Variants in ATP13A5 observed in about 807,000 individuals in gnomAD.
ATP13A5 encodes probable cation-transporting ATPase 13A5.
ATP13A5 carries 149 observed loss-of-function variants against 150.2 expected under a neutral mutation model. The ratio of observed to expected loss-of-function variants is 0.99; its 90% CI spans 0.87 to 1.14. The LOEUF (loss-of-function observed/expected upper bound fraction) is 1.14, where lower values mean the gene tolerates loss of function less well. ATP13A5 is among the 50% of genes most tolerant of loss of function. The pLI, the probability that ATP13A5 is intolerant of heterozygous loss-of-function variation, is 0.00. For missense variants in ATP13A5, 1,383 were observed against 1,449.3 expected (o/e 0.95, Z 0.74); for synonymous variants, 497 against 522.2 (o/e 0.95, Z 0.66).
At chr3:193,297,199 G>T (rs1281567923) in intron 25 of ATP13A5, among the ~76,000 whole-genome samples, 1 of 152,018 alleles carries the variant, frequency 6.6e-6, no homozygotes, top group Non-Finnish European at 1.5e-5. Context: ...AGAAACAGGG[G>T]TGGAGAGTAG....
At chr3:193,348,963 C>T (rs1712458844) in intron 7 of ATP13A5, among the ~76,000 whole-genome samples, 1 of 151,156 alleles carries the variant, frequency 6.6e-6, no homozygotes, top group African/African-American at 2.5e-5. Flanking sequence ...CTGGATTGCC[C>T]CTGTCCCTCC....
chr3:193,321,616 G>A (rs1719280343), intron 16 of ATP13A5, 65 bp downstream of exon 16: 2 of 1,556,062 alleles, frequency 1.3e-6, no homozygotes, highest in East Asian at 2.2e-5. Flanking sequence ...TGGGGACAGA[G>A]CAAGATTCTG....
intron 27 of ATP13A5, among the ~76,000 whole-genome samples, chr3:193,279,846 A>C (rs1248182685): frequency 1.3e-5 from 2 of 151,910 alleles, no homozygotes; most frequent in African/African-American, 4.8e-5. Context: ...AAGGCCTTCC[A>C]CAATCTGGTC....
chr3:193,356,046 A>G (rs1157217253), intron 5 of ATP13A5, among the ~76,000 whole-genome samples: 1 of 152,104 alleles, frequency 6.6e-6, no homozygotes, highest in Non-Finnish European at 1.5e-5. Flanking sequence ...TCGTATGTCT[A>G]CCCGCTCAGT....
At position 193,331,238 on chromosome 3, in the gene ATP13A5, G is replaced by T. The variant is rs771953557; in HGVS notation, c.1346C>A (p.Ala449Asp). 6.2e-7 allele frequency: 1 copy of T among 1,613,918 alleles called. No individual in the cohort carries two copies. The highest frequency in any genetic ancestry group is 1.3e-5 in the African/African-American group (1 of 74,916). ...AGCATACACGTTGCCTATGGTCAGG[G>T]CAGCTGGCAGCACTGGAGGGACAGT... ...TVTVPPVLPA[A>D]LTIGNVYAQK... Residue 449 changes from alanine (A) to aspartate (D), a missense_variant, in exon 12 of 30, where the codon GCC (alanine) becomes GAC (aspartate). Transcript: ENST00000342358.
At chr3:193,319,538 C>T (rs552421649) in intron 16 of ATP13A5, among the ~76,000 whole-genome samples, 9 of 152,340 alleles carry the variant, frequency 5.9e-5, no homozygotes, top group South Asian at 2.1e-4. Context: ...AGAAAGCCCT[C>T]TCCGGGAACC....
At position 193,321,939 on chromosome 3, in the gene ATP13A5, C is replaced by G. The variant is rs935616263; in HGVS notation, c.1759-102G>C. 2.4e-6 allele frequency: 3 copies of G among 1,270,788 alleles called. No homozygotes were observed. In the African/African-American group the frequency reaches 4.5e-5, roughly 19 times the overall value. 78.7% of individuals were successfully genotyped at this position (1,270,788 alleles called of 1,614,324 possible). A position where few individuals can be genotyped will look rare whatever the true frequency, so the allele number is the denominator to read the frequency against. On this transcript the variant is annotated intron_variant, in intron 15 of 29. Transcript: ENST00000342358. ...TACTGTGCAATGAGCCCAGAGACATCTTGATGTAGTATATTTGTCACAACA... is the reference window on the plus strand; with the variant it reads ...TACTGTGCAATGAGCCCAGAGACATGTTGATGTAGTATATTTGTCACAACA...
chr3:193,310,487 A>G (rs2108850518), intron 21 of ATP13A5, 151 bp downstream of exon 21: 1 of 552,392 alleles, frequency 1.8e-6, no homozygotes, highest in Non-Finnish European at 3.1e-6. Context: ...TCCCACCAAT[A>G]GTGTATAAGT....
chr3:193,358,281 G>C (rs1277923087), intron 5 of ATP13A5, among the ~76,000 whole-genome samples: 1 of 152,138 alleles, frequency 6.6e-6, no homozygotes, highest in African/African-American at 2.4e-5. Flanking sequence ...TAGAGGTTGA[G>C]AAAGTTCCCA....
intron 10 of ATP13A5, among the ~76,000 whole-genome samples, chr3:193,334,689 G>A (rs1711777147): frequency 6.6e-6 from 1 of 152,168 alleles, no homozygotes; most frequent in Non-Finnish European, 1.5e-5. Flanking sequence ...GAAGAGCATA[G>A]TTTTACCTTT....
intron 9 of ATP13A5, among the ~76,000 whole-genome samples, chr3:193,341,039 C>A (rs1712099435): frequency 6.6e-6 from 1 of 152,078 alleles, no homozygotes; most frequent in African/African-American, 2.4e-5. Context: ...CTCAGATTTG[C>A]CCACTCTAAT....
Position 193,322,587 on chromosome 3 carries a change from GA to G in ATP13A5, c.1675-14del, listed in dbSNP as rs535873290. 26 of 1,547,930 alleles carry G rather than the reference GA, an allele frequency of 1.7e-5. No homozygotes were observed. The East Asian group carries it at 5.4e-4, about 32-fold the overall frequency. The stretch of plus-strand genomic sequence containing the variant: ...AATCTTCCATTTTCTGTTATAAAAT[GA>G]AAACATTCATAAGATTCTTTGAATA... On this transcript the variant is annotated splice_polypyrimidine_tract_variant and intron_variant, in intron 14 of 29. Coordinates refer to ENST00000342358, the MANE Select transcript of ATP13A5 (RefSeq NM_198505.4).
intron 25 of ATP13A5, 28 bp from the exon 26 acceptor site, chr3:193,290,087 T>C: frequency 6.4e-7 from 1 of 1,567,968 alleles, no homozygotes; most frequent in Non-Finnish European, 8.6e-7. Context: ...TTTTTTCCTA[T>C]TACAATCTTA....
intron 1 of ATP13A5, among the ~76,000 whole-genome samples, chr3:193,365,910 GAAT>G (rs1379250049): frequency 6.6e-6 from 1 of 152,034 alleles, no homozygotes; most frequent in East Asian, 1.9e-4. Context: ...TTGTGAACTG[GAAT>G]AATTTTTTAG....
chr3:193,362,974 A>AT (rs1335675996), intron 3 of ATP13A5, among the ~76,000 whole-genome samples: 15 of 151,592 alleles, frequency 9.9e-5, no homozygotes, highest in Admixed American at 6.6e-4. Flanking sequence ...TTTTGTTTTT[A>AT]TTTTTTTAAT....
At position 193,275,114 on chromosome 3, in the gene ATP13A5, A is replaced by G; in HGVS notation, c.3585T>C (p.His1195=). The G allele has an allele frequency of 1.2e-6, 2 of 1,614,188 alleles. No homozygotes were observed. The highest frequency in any genetic ancestry group is 1.7e-6 in the Non-Finnish European group (2 of 1,180,028). The change falls in exon 30 of 30, where the codon CAT becomes CAC. Residue 1195 remains histidine (H), a synonymous_variant. Coordinates refer to ENST00000342358, the MANE Select transcript of ATP13A5 (RefSeq NM_198505.4). ...TGAGTTTTCTTTTTGGAATCTGTTC[A>G]TGGCTTTCATAGCCTCCGTTGATGT... is the stretch of plus-strand genomic sequence containing the variant. ...GFYINGGYES[H]EQIPKRKLKL... is the part of the protein sequence containing the mutation.
At chr3:193,276,966 T>G in intron 28 of ATP13A5, 136 bp from the exon 29 acceptor site, 1 of 663,658 alleles carries the variant, frequency 1.5e-6, no homozygotes, top group Non-Finnish European at 2.5e-6. Flanking sequence ...CCTTTACAGA[T>G]AATACAACTG....
intron 8 of ATP13A5, among the ~76,000 whole-genome samples, chr3:193,344,537 C>A (rs1712252345): frequency 6.6e-6 from 1 of 152,184 alleles, no homozygotes; most frequent in Non-Finnish European, 1.5e-5. Context: ...GTCCAGACAG[C>A]TATCTAAAAG....
At chr3:193,350,987 T>C in intron 7 of ATP13A5, 80 bp downstream of exon 7, 2 of 1,514,254 alleles carry the variant, frequency 1.3e-6, no homozygotes, top group Non-Finnish European at 9.0e-7. Context: ...AAGCAACTCC[T>C]GGCTCTCAGT....
Sources: allele counts gnomAD v4.1 joint callset (sites outside exome capture counted in the v4.1 genomes callset), GRCh38; gene constraint gnomAD v4.1.1; transcripts MANE v1.5; gene names NCBI Gene and HGNC (gene_info 2026-07-23, HGNC 2026-07-21).